Variants in TMEM117 observed in about 807,000 individuals in gnomAD.
TMEM117 encodes the protein transmembrane protein 117.
Under a neutral mutation model 52.4 loss-of-function variants are expected in TMEM117, and 27 were observed. The observed-to-expected ratio is 0.51, with a 90% CI of 0.38 to 0.71. The LOEUF is 0.71. Ranked by LOEUF, TMEM117 falls within the 30% of genes least tolerant of loss-of-function variation. The pLI, the probability that TMEM117 is intolerant of heterozygous loss-of-function variation, is 0.00. For missense variants in TMEM117, 556 were observed against 630.5 expected, an observed-to-expected ratio of 0.88 and a Z score of 1.26; for synonymous variants, 215 against 206.3, an observed-to-expected ratio of 1.04 and a Z score of -0.36.
chr12:44,075,746 T>G (rs1275921833), intron 3 of TMEM117, among the ~76,000 whole-genome samples: 4 of 152,172 alleles, frequency 2.6e-5, no homozygotes, highest in African/African-American at 9.7e-5. Flanking sequence ...GCTGTAGACT[T>G]GTGCCTTGGG....
chr12:43,881,855 G>T (rs1943902152), intron 2 of TMEM117, among the ~76,000 whole-genome samples: 3 of 150,438 alleles, frequency 2.0e-5, no homozygotes, highest in African/African-American at 7.3e-5. Flanking sequence ...AGCACTTTGG[G>T]AGGGCGAGGT....
chr12:44,304,714 A>C (rs1950882985), intron 6 of TMEM117, among the ~76,000 whole-genome samples: 1 of 152,178 alleles, frequency 6.6e-6, no homozygotes, highest in Non-Finnish European at 1.5e-5. Flanking sequence ...TCTGGGCCAG[A>C]AGGGAACCCA....
At chr12:44,117,914 A>G (rs966413402) in intron 3 of TMEM117, among the ~76,000 whole-genome samples, 6 of 152,046 alleles carry the variant, frequency 3.9e-5, no homozygotes, top group Non-Finnish European at 4.4e-5. Context: ...TGGACTATCA[A>G]TTGTTTTGTT....
At chr12:43,953,590 A>G (rs1280464266) in intron 3 of TMEM117, among the ~76,000 whole-genome samples, 1 of 152,232 alleles carries the variant, frequency 6.6e-6, no homozygotes, top group African/African-American at 2.4e-5. Flanking sequence ...CAATTCAACA[A>G]GAAGAGCTAA....
At chr12:43,798,505 T>G in the TMEM117 span, 3 of 1,435,858 alleles carry the variant, frequency 2.1e-6, no homozygotes, top group East Asian at 7.9e-5. Flanking sequence ...TGAATGGAGA[T>G]TCTACAGCAT....
In TMEM117 at chr12:44,169,487, T is replaced by A. The variant is rs1949015239; in HGVS notation, c.510+25863T>A. ...TTTTCATGTACTTATTGTCCATCTGTTTATCTTTTGGGTATATTCTTTGAG... is the reference window on the plus strand; with the variant it reads ...TTTTCATGTACTTATTGTCCATCTGATTATCTTTTGGGTATATTCTTTGAG... On this transcript the variant is annotated intron_variant, in intron 4 of 7. Coordinates refer to ENST00000266534, the MANE Select transcript of TMEM117 (RefSeq NM_032256.3). Among the ~76,000 whole-genome samples, 4 of 152,220 alleles carry A rather than the reference T, an allele frequency of 2.6e-5. No individual in the cohort carries two copies. In the South Asian group the frequency reaches 8.3e-4, roughly 31 times the overall value.
chr12:44,247,914 C>A (rs17094343), intron 5 of TMEM117, among the ~76,000 whole-genome samples: 11,124 of 152,218 alleles, frequency 0.073, 576 homozygotes, highest in Middle Eastern at 0.16. Context: ...GCCTGTGGAA[C>A]CTCTTATGCC....
Position 44,299,654 on chromosome 12 carries a change from A to G in TMEM117, c.683A>G (p.Asn228Ser). 6.2e-7 allele frequency: 1 copy of G among 1,614,200 alleles called. No individual in the cohort carries two copies. The highest frequency in any genetic ancestry group is 8.5e-7 in the Non-Finnish European group (1 of 1,180,036). ...TTDWISWDKL[N>S]RGFLPSDEVS... ...GACTGGATCAGCTGGGACAAGCTGA[A>G]TCGGGGATTTTTGCCCAGTGATGAA... is the stretch of plus-strand genomic sequence containing the variant. The change falls in exon 6 of 8, where the codon AAT (asparagine) becomes AGT (serine). Residue 228 changes from asparagine to serine, a missense_variant. Transcript: ENST00000266534.
intron 3 of TMEM117, among the ~76,000 whole-genome samples, chr12:43,996,370 C>T (rs998409693): frequency 2.6e-5 from 4 of 152,000 alleles, no homozygotes; most frequent in East Asian, 3.9e-4. Context: ...TTGGCTGGGG[C>T]CAGTGGCTCA....
chr12:43,912,622 C>T (rs1317812243), intron 2 of TMEM117, among the ~76,000 whole-genome samples: 2 of 149,586 alleles, frequency 1.3e-5, no homozygotes, highest in Non-Finnish European at 2.9e-5. Context: ...GTGCCTGGTA[C>T]ATATTACACA....
intron 5 of TMEM117, among the ~76,000 whole-genome samples, chr12:44,225,894 G>A (rs1352842480): frequency 6.6e-6 from 1 of 152,130 alleles, no homozygotes; most frequent in Non-Finnish European, 1.5e-5. Context: ...ACTAAGACTG[G>A]TGCCTTAAAT....
At chr12:44,310,100 C>A (rs192962788) in intron 6 of TMEM117, among the ~76,000 whole-genome samples, 67 of 151,986 alleles carry the variant, frequency 4.4e-4, no homozygotes, top group Non-Finnish European at 1.5e-5. Context: ...TTTTTAAATG[C>A]TTGAAGTATG....
chr12:44,309,342 A>G (rs866771854), intron 6 of TMEM117, among the ~76,000 whole-genome samples: 4 of 152,178 alleles, frequency 2.6e-5, no homozygotes, highest in African/African-American at 9.7e-5. Flanking sequence ...GCAGTTTCTA[A>G]GTCAAGGTTT....
chr12:44,210,092 G>A (rs1459081036), intron 4 of TMEM117, among the ~76,000 whole-genome samples: 1 of 152,080 alleles, frequency 6.6e-6, no homozygotes, highest in Non-Finnish European at 1.5e-5. Context: ...AGTGGATGAC[G>A]AAAATTCTCT....
chr12:44,248,387 T>G (rs747654173), intron 5 of TMEM117: 1 of 152,232 alleles, frequency 6.6e-6, no homozygotes, highest in Non-Finnish European at 1.5e-5. Context: ...TCAGTTTAGA[T>G]AAGGACTAGA....
intron 4 of TMEM117, among the ~76,000 whole-genome samples, chr12:44,147,822 C>T (rs986039550): frequency 2.6e-5 from 4 of 151,792 alleles, no homozygotes; most frequent in Non-Finnish European, 4.4e-5. Flanking sequence ...ATCCCAGCTA[C>T]TCAGGAGGCT....
chr12:44,388,727 AAATTT>A lies in TMEM117; in HGVS notation c.*57_*61del. On this transcript the variant is annotated 3_prime_UTR_variant, in exon 8 of 8. Transcript: ENST00000266534. ...AAAGCAACCTTGAGTGTAACTTTAA[AAATTT>A]AGTCTTTCCTTTTGTATATGTAAGG... is the stretch of plus-strand genomic sequence containing the variant. 8 of 1,567,572 alleles carry A rather than the reference AAATTT, an allele frequency of 5.1e-6. No homozygotes were observed. The highest frequency in any genetic ancestry group is 6.9e-6 in the Non-Finnish European group (8 of 1,158,410).
At chr12:43,838,122 T>A (rs1457910630) in intron 1 of TMEM117, among the ~76,000 whole-genome samples, 1 of 152,172 alleles carries the variant, frequency 6.6e-6, no homozygotes, top group Non-Finnish European at 1.5e-5. Flanking sequence ...ATTATTGCTA[T>A]TTGTGTTTTT....
At chr12:44,057,985 T>G (rs894939859) in intron 3 of TMEM117, among the ~76,000 whole-genome samples, 1 of 152,230 alleles carries the variant, frequency 6.6e-6, no homozygotes, top group South Asian at 2.1e-4. Flanking sequence ...CCCAATTTTA[T>G]TTAACCAAGA....
Sources: gnomAD v4.1 joint callset for allele counts (sites outside exome capture counted in the v4.1 genomes callset) on GRCh38, gnomAD v4.1.1 for gene constraint, MANE v1.5 for transcripts, NCBI Gene and HGNC (gene_info 2026-07-23, HGNC 2026-07-21) for gene names.